The following CDH4 variants were observed in gnomAD, a reference collection of about 807,000 sequenced individuals.
CDH4 encodes cadherin-4.
A neutral mutation model predicts 86.0 loss-of-function variants in CDH4; 33 were observed. The ratio of observed to expected loss-of-function variants is 0.38; its 90% CI spans 0.29 to 0.51. The LOEUF is 0.51. Among genes scored for constraint, CDH4 ranks in the 20% least tolerant of loss-of-function variants. The pLI, the probability that CDH4 is intolerant of heterozygous loss-of-function variation, is 0.86. For synonymous variants in CDH4, 555 were observed against 549.4 expected, an observed-to-expected ratio of 1.01 and a Z score of -0.14; for missense variants, 1,114 against 1,307.4, an observed-to-expected ratio of 0.85 and a Z score of 2.28.
chr20:61,522,409 T>C (rs1231514677), intron 2 of CDH4, among the ~76,000 whole-genome samples: 2 of 152,242 alleles, frequency 1.3e-5, no homozygotes, highest in East Asian at 1.9e-4. Context: ...TCGGTAACCA[T>C]GTGTGAGGTG....
intron 2 of CDH4, among the ~76,000 whole-genome samples, chr20:61,610,491 C>T (rs997482790): frequency 5.9e-5 from 9 of 152,220 alleles, no homozygotes; most frequent in Non-Finnish European, 7.3e-5. Flanking sequence ...GAGACACCTG[C>T]TTTCCTTCCT....
At chr20:61,889,307 TGG>T (rs1335998490) in intron 7 of CDH4, among the ~76,000 whole-genome samples, 34 of 150,360 alleles carry the variant, frequency 2.3e-4, no homozygotes, top group African/African-American at 7.8e-4. Flanking sequence ...GATGGATGGA[TGG>T]ATGGATGGAT....
At chr20:61,561,245 AC>A in intron 2 of CDH4, among the ~76,000 whole-genome samples, 1 of 152,328 alleles carries the variant, frequency 6.6e-6, no homozygotes, top group African/African-American at 2.4e-5. Context: ...TGGTGACCAC[AC>A]AACCCACTCC....
At chr20:61,834,201 C>T (rs943626855) in intron 4 of CDH4, among the ~76,000 whole-genome samples, 2 of 152,230 alleles carry the variant, frequency 1.3e-5, no homozygotes, top group African/African-American at 4.8e-5. Context: ...ACCTCCTTCT[C>T]GGGCCTGACT....
chr20:61,669,809 C>T (rs946667421), intron 2 of CDH4, among the ~76,000 whole-genome samples: 1 of 152,116 alleles, frequency 6.6e-6, no homozygotes, highest in Non-Finnish European at 1.5e-5. Context: ...GAGACTGATC[C>T]AGGATGGGAT....
intron 7 of CDH4, among the ~76,000 whole-genome samples, chr20:61,886,293 C>T (rs550718213): frequency 6.6e-6 from 1 of 152,192 alleles, no homozygotes; most frequent in Admixed American, 6.5e-5. Context: ...AGGGCACGCT[C>T]GACTCAGGAA....
chr20:61,488,250 G>A (rs569432155), intron 2 of CDH4, among the ~76,000 whole-genome samples: 4 of 152,296 alleles, frequency 2.6e-5, no homozygotes, highest in African/African-American at 7.2e-5. Context: ...CCTCCAAAGA[G>A]CAAAGCACAG....
rs541873777 is a variant in CDH4, at chr20:61,516,417, G to A, written c.170-227146G>A. ...GCATGAGCTCATGTGCATCACCTCC[G>A]ACTCCTCATCACCAGATGCCGCTGC... On this transcript the variant is annotated intron_variant, in intron 2 of 15. Coordinates refer to ENST00000614565, the MANE Select transcript of CDH4 (RefSeq NM_001794.5). The surrounding 1 kb of genome is among the most constrained non-coding windows in gnomAD (Gnocchi z 4.0). Among the ~76,000 whole-genome samples the A allele has an allele frequency of 4.6e-5, 7 of 152,088 alleles. No individual in the cohort carries two copies. Among genetic ancestry groups the A allele is most frequent in the Non-Finnish European group, 7.4e-5 (5 of 68,018 alleles).
intron 2 of CDH4, among the ~76,000 whole-genome samples, chr20:61,658,290 C>T (rs367642602): frequency 1.1e-4 from 16 of 152,124 alleles, no homozygotes; most frequent in South Asian, 4.2e-4. Flanking sequence ...CTCCGAGCTC[C>T]GGATCTCTGT....
chr20:61,378,269 T>A (rs190585661), intron 2 of CDH4, among the ~76,000 whole-genome samples: 3,095 of 152,036 alleles, frequency 0.02, 56 homozygotes, highest in Non-Finnish European at 0.03. Flanking sequence ...GAAAAAAAAA[T>A]TTATTGGGAT....
At chr20:61,321,114 G>A (rs1442839968) in intron 2 of CDH4, among the ~76,000 whole-genome samples, 1 of 152,202 alleles carries the variant, frequency 6.6e-6, no homozygotes, top group African/African-American at 2.4e-5. Context: ...CAGCCACACC[G>A]CACATTTCCA....
chr20:61,553,710 G>A (rs371010484), intron 2 of CDH4, among the ~76,000 whole-genome samples: 2 of 152,200 alleles, frequency 1.3e-5, no homozygotes, highest in African/African-American at 4.8e-5. Flanking sequence ...GCACTTGAGA[G>A]TATCTATCTT....
At chr20:61,300,362 G>A (rs936717605) in intron 2 of CDH4, among the ~76,000 whole-genome samples, 4 of 152,138 alleles carry the variant, frequency 2.6e-5, no homozygotes, top group African/African-American at 9.7e-5. Flanking sequence ...GAGGCTCCGA[G>A]CCCTCAGCTG....
intron 2 of CDH4, among the ~76,000 whole-genome samples, chr20:61,351,872 A>G (rs556237240): frequency 6.6e-6 from 1 of 152,056 alleles, no homozygotes; most frequent in Non-Finnish European, 1.5e-5. Flanking sequence ...AGGCGCCACC[A>G]TACCAGGCTA....
At chr20:61,407,294 G>T (rs1035157812) in intron 2 of CDH4, among the ~76,000 whole-genome samples, 4 of 152,162 alleles carry the variant, frequency 2.6e-5, no homozygotes, top group African/African-American at 9.6e-5. Context: ...GAAATGTCAG[G>T]TCCTTAGAGA....
chr20:61,928,477 C>T (rs1405370036), intron 12 of CDH4, 54 bp downstream of exon 12: 1 of 1,488,992 alleles, frequency 6.7e-7, no homozygotes, highest in Admixed American at 1.7e-5. Context: ...GTGCAGGCCC[C>T]TGGGAGACCC....
At chr20:61,788,532 G>A (rs1355571278) in intron 4 of CDH4, among the ~76,000 whole-genome samples, 1 of 152,222 alleles carries the variant, frequency 6.6e-6, no homozygotes, top group Non-Finnish European at 1.5e-5. Context: ...AGTGCTGACA[G>A]CAGGTGTTCC....
At chr20:61,507,620 G>A (rs573294687) in intron 2 of CDH4, among the ~76,000 whole-genome samples, 3 of 152,156 alleles carry the variant, frequency 2.0e-5, no homozygotes, top group South Asian at 4.2e-4. Context: ...TACCTGACCC[G>A]TACTCCTCAA....
intron 9 of CDH4, among the ~76,000 whole-genome samples, chr20:61,920,504 T>C (rs906755294): frequency 6.6e-6 from 1 of 150,572 alleles, no homozygotes; most frequent in Non-Finnish European, 1.5e-5. Flanking sequence ...AAGCGTGTCA[T>C]GGTGATTATG....
Sources: allele counts gnomAD v4.1 joint callset (sites outside exome capture counted in the v4.1 genomes callset), GRCh38; gene constraint gnomAD v4.1.1; non-coding constraint Gnocchi (gnomAD v3.1); transcripts MANE v1.5; gene names NCBI Gene and HGNC (gene_info 2026-07-23, HGNC 2026-07-21).